The following PCDH11X variants were observed in gnomAD, a reference collection of about 807,000 sequenced individuals.
The protein encoded by PCDH11X is protocadherin-11 X-linked.
Under a neutral mutation model 53.3 loss-of-function variants are expected in PCDH11X, and 18 were observed. That is an observed-to-expected ratio of 0.34 (90% CI 0.23 to 0.50). The LOEUF (loss-of-function observed/expected upper bound fraction) is 0.50, where lower values mean the gene tolerates loss of function less well. Among genes scored for constraint, PCDH11X ranks in the 20% least tolerant of loss-of-function variants. PCDH11X has a pLI of 0.98. For missense variants in PCDH11X, 570 were observed against 1,032.4 expected (o/e 0.55, Z 6.14); for synonymous variants, 279 against 393.3 (o/e 0.71, Z 3.44).
At chrX:92,206,309 TA>T (rs1199372969) in intron 7 of PCDH11X, among the ~76,000 whole-genome samples, 1 of 111,793 alleles carries the variant, frequency 8.9e-6, no homozygotes. Flanking sequence ...TGAAATATCT[TA>T]TTTTTAACAA....
At chrX:92,348,548 ATTT>A (rs1569470914) in intron 8 of PCDH11X, among the ~76,000 whole-genome samples, 3 of 94,503 alleles carry the variant, frequency 3.2e-5, no homozygotes, top group African/African-American at 1.2e-4. Context: ...TATTATTATT[ATTT>A]TTGAGACGGA....
At chrX:92,512,137 C>A (rs2074171831) in intron 10 of PCDH11X, among the ~76,000 whole-genome samples, 1 of 106,342 alleles carries the variant, frequency 9.4e-6, no homozygotes, top group African/African-American at 3.4e-5. Flanking sequence ...TTTCACATAC[C>A]ATATACTATA....
At chrX:91,868,118 G>C (rs1306019253) in intron 5 of PCDH11X, among the ~76,000 whole-genome samples, 1 of 111,966 alleles carries the variant, frequency 8.9e-6, no homozygotes, top group Non-Finnish European at 1.9e-5. Flanking sequence ...ACAAGATTCT[G>C]TCATTCACCC....
chrX:92,575,913 A>G (rs1373622818), intron 10 of PCDH11X, among the ~76,000 whole-genome samples: 2 of 27,789 alleles, frequency 7.2e-5, no homozygotes, highest in Admixed American at 5.6e-4. Context: ...GTGTATATAT[A>G]TATATATATA....
At chrX:92,186,458 G>A (rs1229265575) in intron 6 of PCDH11X, among the ~76,000 whole-genome samples, 3 of 110,447 alleles carry the variant, frequency 2.7e-5, no homozygotes, top group South Asian at 3.8e-4. Context: ...GGAGAAACCC[G>A]TCTCTACTAA....
At chrX:92,289,306 C>T (rs1004971529) in intron 8 of PCDH11X, among the ~76,000 whole-genome samples, 8 of 110,957 alleles carry the variant, frequency 7.2e-5, no homozygotes, top group East Asian at 2.8e-4. Context: ...TCTCAATAGA[C>T]GCAATATACA....
At chrX:91,943,525 A>G (rs932191114) in intron 6 of PCDH11X, among the ~76,000 whole-genome samples, 9 of 109,889 alleles carry the variant, frequency 8.2e-5, no homozygotes, top group African/African-American at 2.6e-4. Flanking sequence ...TAAGAAAAAT[A>G]TTTGACAAAA....
At chrX:92,064,103 T>C (rs6618835) in intron 6 of PCDH11X, among the ~76,000 whole-genome samples, 28,140 of 100,615 alleles carry the variant, frequency 0.28, 5,142 homozygotes, top group African/African-American at 0.6. Context: ...GAGTGGGACA[T>C]TGGTGTTCTT....
intron 8 of PCDH11X, among the ~76,000 whole-genome samples, chrX:92,272,363 A>G: frequency 9.0e-6 from 1 of 111,698 alleles, no homozygotes; most frequent in Non-Finnish European, 1.9e-5. Context: ...TTTAATATTT[A>G]AGCTGGACAA....
chrX:92,250,307 G>C (rs904125436), intron 7 of PCDH11X, among the ~76,000 whole-genome samples: 1 of 110,519 alleles, frequency 9.0e-6, no homozygotes, highest in African/African-American at 3.3e-5. Flanking sequence ...TTGTTGGTGA[G>C]GATATAGAGA....
At chrX:92,451,146 A>G (rs1356937970) in intron 9 of PCDH11X, among the ~76,000 whole-genome samples, 1 of 110,473 alleles carries the variant, frequency 9.1e-6, no homozygotes, top group Non-Finnish European at 1.9e-5. Flanking sequence ...TAATATCTCA[A>G]GAAGTTTGTT....
At chrX:92,056,147 C>T (rs1483526506) in intron 6 of PCDH11X, among the ~76,000 whole-genome samples, 1 of 111,568 alleles carries the variant, frequency 9.0e-6, no homozygotes, top group African/African-American at 3.3e-5. Context: ...AATTTACACT[C>T]CCACCAACAG....
At chrX:92,155,793 A>AT (rs34531483) in intron 6 of PCDH11X, among the ~76,000 whole-genome samples, 3 of 107,867 alleles carry the variant, frequency 2.8e-5, no homozygotes, top group East Asian at 3.0e-4. Flanking sequence ...CGCCCGGCTA[A>AT]TTTTTTTTGT....
chrX:92,080,954 T>C (rs2063847179), intron 6 of PCDH11X, among the ~76,000 whole-genome samples: 1 of 110,983 alleles, frequency 9.0e-6, no homozygotes, highest in Non-Finnish European at 1.9e-5. Flanking sequence ...CCTTCCAGTA[T>C]AGGGAAGACA....
chrX:91,941,734 C>T (rs2061513238), intron 6 of PCDH11X, among the ~76,000 whole-genome samples: 1 of 110,006 alleles, frequency 9.1e-6, no homozygotes, highest in Non-Finnish European at 1.9e-5. Flanking sequence ...GAACATTCCA[C>T]TCAATGATAG....
intron 8 of PCDH11X, among the ~76,000 whole-genome samples, chrX:92,311,955 A>T (rs776666905): frequency 8.9e-6 from 1 of 111,963 alleles, no homozygotes; most frequent in Non-Finnish European, 1.9e-5. Flanking sequence ...TTTAGAAAAG[A>T]AAAGAAACAT....
chrX:92,294,883 A>AATTTAATAC (rs2068575663), intron 8 of PCDH11X, among the ~76,000 whole-genome samples: 1 of 96,660 alleles, frequency 1.0e-5, no homozygotes, highest in South Asian at 5.5e-4. Flanking sequence ...TATTATCTTG[A>AATTTAATAC]ATTTAATACA....
At chrX:92,284,615 C>T (rs2068321302) in intron 8 of PCDH11X, among the ~76,000 whole-genome samples, 1 of 112,261 alleles carries the variant, frequency 8.9e-6, no homozygotes, top group South Asian at 3.6e-4. Flanking sequence ...AGGATGAGAA[C>T]CATTTTTGCT....
intron 7 of PCDH11X, among the ~76,000 whole-genome samples, chrX:92,240,139 A>G (rs1161246002): frequency 9.0e-6 from 1 of 111,722 alleles, no homozygotes; most frequent in African/African-American, 3.3e-5. Flanking sequence ...TCAAGGCATT[A>G]AGGAGGACTG....
Sources: allele counts gnomAD v4.1 joint callset (sites outside exome capture counted in the v4.1 genomes callset), GRCh38; gene constraint gnomAD v4.1.1; transcripts MANE v1.5; gene names NCBI Gene and HGNC (gene_info 2026-07-23, HGNC 2026-07-21).